KLHL29: variants seen among roughly 807,000 people sequenced by gnomAD.
The protein encoded by KLHL29 is kelch like family member 29.
KLHL29 carries 21 observed loss-of-function variants against 80.4 expected under a neutral mutation model. That is an observed-to-expected ratio of 0.26 (90% CI 0.19 to 0.38). The LOEUF (loss-of-function observed/expected upper bound fraction) is 0.38. KLHL29 is among the 10% of genes least tolerant of loss of function. The probability of loss-of-function intolerance (pLI) is 1.00; values close to 1 mark genes in which losing one functional copy is unlikely to be tolerated. For missense variants in KLHL29, 867 were observed against 1,223.9 expected (o/e 0.71, Z 4.35); for synonymous variants, 511 against 526.8 (o/e 0.97, Z 0.41).
At chr2:23,545,352 C>G (rs1465389800) in intron 2 of KLHL29, among the ~76,000 whole-genome samples, 1 of 152,214 alleles carries the variant, frequency 6.6e-6, no homozygotes, top group African/African-American at 2.4e-5. Context: ...CCTCAGTTTC[C>G]CCTTCTATAA....
At chr2:23,572,024 G>A (rs562664280) in intron 3 of KLHL29, among the ~76,000 whole-genome samples, 10 of 152,124 alleles carry the variant, frequency 6.6e-5, no homozygotes, top group Admixed American at 1.3e-4. Flanking sequence ...CCCGGCACTC[G>A]CTGCTGCATA....
At chr2:23,701,279 C>T (rs531360543) in intron 11 of KLHL29, among the ~76,000 whole-genome samples, 16 of 152,270 alleles carry the variant, frequency 1.1e-4, no homozygotes, top group African/African-American at 3.1e-4. Flanking sequence ...AAGCCACTGT[C>T]GCATCTCACC....
At chr2:23,520,702 A>G (rs1666066796) in intron 2 of KLHL29, among the ~76,000 whole-genome samples, 1 of 152,260 alleles carries the variant, frequency 6.6e-6, no homozygotes, top group Admixed American at 6.5e-5. Flanking sequence ...CTTTGGTTTC[A>G]CAGTGGATGA....
At chr2:23,576,361 G>A (rs1003147467) in intron 3 of KLHL29, among the ~76,000 whole-genome samples, 2 of 150,530 alleles carry the variant, frequency 1.3e-5, no homozygotes, top group South Asian at 4.2e-4. Context: ...ATTCTTCCAC[G>A]ATATTAGGCT....
chr2:23,401,678 G>A lies in KLHL29; in HGVS notation c.-154+15898G>A, dbSNP rs549235817. ...CAGAGGAAGCGATCTGCTCCTGCCT[G>A]AAGTAGTGGGAGGGGCAGGAAGGTG... On this transcript the variant is annotated intron_variant, in intron 1 of 13. Transcript: ENST00000486442. Among the ~76,000 whole-genome samples, 109 of 152,314 alleles carry A rather than the reference G, an allele frequency of 7.2e-4. No homozygotes were observed. The Middle Eastern group carries it at 0.017, about 24-fold the overall frequency.
rs386389703 is a variant in KLHL29 at position 23,605,107 on chromosome 2, C to CTTTTTTT, written c.286-34016_286-34010dup. Among the ~76,000 whole-genome samples, 25 of 92,466 alleles carry CTTTTTTT rather than the reference C, an allele frequency of 2.7e-4. 2 individuals are homozygous for CTTTTTTT. Among genetic ancestry groups the CTTTTTTT allele is most frequent in the East Asian group, 9.1e-4 (2 of 2,198 alleles). The allele number at this position is 92,466 out of a possible 152,430, so 60.7% of individuals were successfully genotyped here. ...TGGCCCTGTTCTTTTTCCTTTGTTG[C>CTTTTTTT]TTTTTTTTTTTTTTTTTTTTTTGGA... On this transcript the variant is annotated intron_variant, in intron 3 of 13. Transcript: ENST00000486442.
At position 23,494,189 on chromosome 2, in the gene KLHL29, C is replaced by T. The variant is rs144453855; in HGVS notation, c.-46+18522C>T. Among the ~76,000 whole-genome samples, 22 of 152,282 alleles carry T rather than the reference C, an allele frequency of 1.4e-4. No homozygotes were observed. In the East Asian group the frequency reaches 3.9e-3, roughly 27 times the overall value. ...TAACATAAGGTAATAGAGATCATGT[C>T]GAGAGATTGTACTGAGGCTCTTTCT... On this transcript the variant is annotated intron_variant, in intron 2 of 13. Transcript: ENST00000486442.
At chr2:23,429,166 G>A (rs997912878) in intron 1 of KLHL29, among the ~76,000 whole-genome samples, 1 of 152,220 alleles carries the variant, frequency 6.6e-6, no homozygotes, top group East Asian at 1.9e-4. Flanking sequence ...AGGCACGCAC[G>A]TGTGCATACA....
In KLHL29 at chr2:23,412,413, C is replaced by T. The variant is rs894225831; in HGVS notation, c.-154+26633C>T. On this transcript the variant is annotated intron_variant, in intron 1 of 13. Transcript: ENST00000486442. ...CCAGTGAGAAGTGGGCACTGGGGGA[C>T]AGAGAAGGAAGAGGAGAGAATCATG... Among the ~76,000 whole-genome samples the T allele has an allele frequency of 3.3e-5, 5 of 152,198 alleles. No homozygotes were observed. In the Middle Eastern group the frequency reaches 0.01, roughly 311 times the overall value.
chr2:23,440,597 C>T lies in KLHL29; in HGVS notation c.-153-34963C>T, dbSNP rs377033333. Among the ~76,000 whole-genome samples, 587 of 152,066 alleles carry T rather than the reference C, an allele frequency of 3.9e-3. 3 individuals are homozygous for T. Among genetic ancestry groups the T allele is most frequent in the Middle Eastern group, 0.01 (3 of 294 alleles). Reference sequence around the variant, plus strand: ...CTACTCATCTGACAAAGGGCTAATACCCAGAATCTACAATGAACTCAAACA... The same window carrying T: ...CTACTCATCTGACAAAGGGCTAATATCCAGAATCTACAATGAACTCAAACA... On this transcript the variant is annotated intron_variant, in intron 1 of 13. Transcript: ENST00000486442.
At chr2:23,516,274 C>T (rs1193513463) in intron 2 of KLHL29, among the ~76,000 whole-genome samples, 3 of 152,190 alleles carry the variant, frequency 2.0e-5, no homozygotes, top group Non-Finnish European at 4.4e-5. Flanking sequence ...CTGGGAAGGG[C>T]TGACCAGGAG....
intron 3 of KLHL29, among the ~76,000 whole-genome samples, chr2:23,633,517 A>AAC (rs1211217237): frequency 6.6e-6 from 1 of 151,960 alleles, no homozygotes; most frequent in Admixed American, 6.6e-5. Flanking sequence ...AGTGGCTGTT[A>AAC]AATGACACAT....
intron 6 of KLHL29, 121 bp from the exon 7 acceptor site, chr2:23,691,553 G>A (rs1242308083): frequency 2.9e-5 from 21 of 733,810 alleles, no homozygotes; most frequent in Middle Eastern, 3.6e-4. Context: ...TGTCATTGCC[G>A]TGTCCTTTGA....
At chr2:23,409,764 G>T (rs1202342128) in intron 1 of KLHL29, among the ~76,000 whole-genome samples, 1 of 152,232 alleles carries the variant, frequency 6.6e-6, no homozygotes, top group East Asian at 1.9e-4. Flanking sequence ...TTACAGTCTA[G>T]TGGGGGAGAC....
intron 2 of KLHL29, among the ~76,000 whole-genome samples, chr2:23,502,223 C>T (rs1179402825): frequency 6.6e-6 from 1 of 152,210 alleles, no homozygotes; most frequent in East Asian, 1.9e-4. Context: ...GTGCTTTTTC[C>T]GGGATCGCTT....
chr2:23,536,209 ACT>A (rs1201272776), intron 2 of KLHL29, among the ~76,000 whole-genome samples: 2 of 151,788 alleles, frequency 1.3e-5, no homozygotes, highest in African/African-American at 4.8e-5. Flanking sequence ...TTCCCATCTG[ACT>A]CTCTCGGGCA....
chr2:23,672,621 C>T (rs745857722), intron 5 of KLHL29: 1 of 152,652 alleles, frequency 6.6e-6, no homozygotes, highest in Non-Finnish European at 1.5e-5. Context: ...GCAGCTCTCT[C>T]ATCCAGCTCC....
intron 2 of KLHL29, among the ~76,000 whole-genome samples, chr2:23,547,738 G>T (rs1667014370): frequency 6.6e-6 from 1 of 151,906 alleles, no homozygotes; most frequent in Non-Finnish European, 1.5e-5. Context: ...GAAGTAGCGG[G>T]AGGAAAAGAT....
intron 2 of KLHL29, among the ~76,000 whole-genome samples, chr2:23,561,721 A>G (rs1395641687): frequency 1.3e-5 from 2 of 152,162 alleles, no homozygotes; most frequent in Non-Finnish European, 2.9e-5. Flanking sequence ...TTTGTCCACT[A>G]TAAAGTGAGT....
Sources: allele counts gnomAD v4.1 joint callset (sites outside exome capture counted in the v4.1 genomes callset), GRCh38; gene constraint gnomAD v4.1.1; transcripts MANE v1.5; gene names NCBI Gene and HGNC (gene_info 2026-07-23, HGNC 2026-07-21).